TMC7: variants seen among roughly 807,000 people sequenced by gnomAD.
TMC7 encodes the protein transmembrane channel-like protein 7.
Under a neutral mutation model 82.9 loss-of-function variants are expected in TMC7, and 54 were observed. The observed-to-expected ratio is 0.65, with a 90% CI of 0.52 to 0.82. TMC7 has a LOEUF of 0.82. TMC7 is among the 40% of genes least tolerant of loss of function. The probability of loss-of-function intolerance (pLI) is 0.00; values close to 1 mark genes in which losing one functional copy is unlikely to be tolerated. For synonymous variants in TMC7, 350 were observed against 337.9 expected, an observed-to-expected ratio of 1.04 and a Z score of -0.39; for missense variants, 820 against 901.2, an observed-to-expected ratio of 0.91 and a Z score of 1.15.
At chr16:19,034,971 A>C (rs1030674582) in intron 6 of TMC7, among the ~76,000 whole-genome samples, 2 of 152,190 alleles carry the variant, frequency 1.3e-5, no homozygotes, top group Non-Finnish European at 2.9e-5. Context: ...AGACATATGC[A>C]CTCGTATATT....
chr16:19,044,191 GT>G (rs1337849707), intron 9 of TMC7, among the ~76,000 whole-genome samples: 2 of 151,988 alleles, frequency 1.3e-5, no homozygotes, highest in Non-Finnish European at 2.9e-5. Context: ...TTGTTTGTTT[GT>G]TTTTTCTCAC....
chr16:19,035,810 G>T lies in TMC7; in HGVS notation c.992G>T (p.Arg331Leu). 1 of 1,593,572 alleles carries T rather than the reference G, an allele frequency of 6.3e-7. No homozygotes were observed. The highest frequency in any genetic ancestry group is 8.5e-7 in the Non-Finnish European group (1 of 1,169,702). Residue 331 changes from arginine (R) to leucine (L), a missense_variant, in exon 7 of 16, where the codon CGG becomes CTG. Transcript: ENST00000304381. ...SMADLKHSSL[R>L]YELRADLEEE... ...GCGGATCTGAAGCACAGCAGCTTGC[G>T]GTACGAGCTCCGAGTGAGTGCTCCT...
At chr16:19,031,945 C>T (rs1960535976) in intron 6 of TMC7, among the ~76,000 whole-genome samples, 1 of 152,190 alleles carries the variant, frequency 6.6e-6, no homozygotes. Context: ...ACAGCTCAGT[C>T]ACATGACTAT....
In TMC7 at chr16:19,047,225, C is replaced by A; in HGVS notation, c.1716C>A (p.Phe572Leu). The change falls in exon 12 of 16, where the codon TTC becomes TTA. Residue 572 changes from phenylalanine to leucine, a missense_variant. By Grantham distance (22) the Phe-to-Leu change is conservative. Coordinates refer to ENST00000304381, the MANE Select transcript of TMC7 (RefSeq NM_024847.4). Reference protein sequence around the residue: ...PLLPAIATLKFIIIFYVKEWS... With the variant: ...PLLPAIATLKLIIIFYVKEWS... The stretch of plus-strand genomic sequence containing the variant: ...TCCCTGCAATTGCAACCCTGAAATT[C>A]ATTATCATCTTCTATGTGAAAGAGG... The A allele has an allele frequency of 6.2e-7, 1 of 1,613,918 alleles. No homozygotes were observed. The highest frequency in any genetic ancestry group is 8.5e-7 in the Non-Finnish European group (1 of 1,179,954).
chr16:19,008,041 G>A (rs1302497918), intron 1 of TMC7, among the ~76,000 whole-genome samples: 1 of 152,110 alleles, frequency 6.6e-6, no homozygotes, highest in East Asian at 1.9e-4. Flanking sequence ...TGACAGAGTG[G>A]GGATCCAAAC....
chr16:19,005,147 G>A (rs552058281), intron 1 of TMC7, among the ~76,000 whole-genome samples: 1 of 151,820 alleles, frequency 6.6e-6, no homozygotes, highest in African/African-American at 2.4e-5. Context: ...GGAGTGCAAT[G>A]GCAAAATCTT....
chr16:19,050,331 C>G (rs908812787), intron 12 of TMC7, among the ~76,000 whole-genome samples: 2 of 117,542 alleles, frequency 1.7e-5, no homozygotes, highest in African/African-American at 6.5e-5. Context: ...CGCGCTACTA[C>G]ACTCCAGCCT....
chr16:19,047,554 G>A (rs570681544), intron 12 of TMC7, among the ~76,000 whole-genome samples: 10 of 151,044 alleles, frequency 6.6e-5, no homozygotes, highest in East Asian at 3.9e-4. Flanking sequence ...CTGCCACTGC[G>A]CCTGGCTAAT....
rs573642874 is a variant in TMC7, at chr16:19,017,819, C to T, written c.460+1221C>T. On this transcript the variant is annotated intron_variant, in intron 3 of 15. Coordinates refer to ENST00000304381, the MANE Select transcript of TMC7 (RefSeq NM_024847.4). ...CCGAGTAGCTGGGACTACAGGTGCC[C>T]GCCACCTCGCCTGGCTAATTTTTTG... Among the ~76,000 whole-genome samples, 11 of 152,174 alleles carry T rather than the reference C, an allele frequency of 7.2e-5. No individual in the cohort carries two copies. The South Asian group carries it at 1.5e-3, about 20-fold the overall frequency.
In TMC7 at chr16:19,005,437, A is replaced by G. The variant is rs376225745; in HGVS notation, c.68-3735A>G. ...CTGGTACAAGGTAGGCAAGTACTCA[A>G]TAAATCTTAGCCAGTGTTGTTCATG... is the stretch of plus-strand genomic sequence containing the variant. On this transcript the variant is annotated intron_variant, in intron 1 of 15. Transcript: ENST00000304381. Among the ~76,000 whole-genome samples, 4 of 152,322 alleles carry G rather than the reference A, an allele frequency of 2.6e-5. No individual in the cohort carries two copies. In the East Asian group the frequency reaches 7.7e-4, roughly 29 times the overall value.
intron 4 of TMC7, among the ~76,000 whole-genome samples, chr16:19,022,858 A>G (rs1198225368): frequency 6.6e-6 from 1 of 152,180 alleles, no homozygotes; most frequent in African/African-American, 2.4e-5. Context: ...CATCTCTACT[A>G]AAAATACAAA....
rs1959701746 is a variant in TMC7 at position 19,016,540 on chromosome 16, G to A, written c.402G>A (p.Lys134=). 1.9e-6 allele frequency: 3 copies of A among 1,614,038 alleles called. No individual in the cohort carries two copies. Among genetic ancestry groups the A allele is most frequent in the Admixed American group, 1.7e-5 (1 of 59,992 alleles). Residue 134 remains lysine, a synonymous_variant, in exon 3 of 16, where the codon AAG becomes AAA. Coordinates refer to ENST00000304381, the MANE Select transcript of TMC7 (RefSeq NM_024847.4). ...SSKSWKRFLE[K]AREMTTHLEL... is the part of the protein sequence containing the mutation. Reference sequence around the variant, plus strand: ...AGTCTTGGAAGAGGTTCCTAGAGAAGGCTCGAGAGATGACGACCCACCTGG... The same window carrying A: ...AGTCTTGGAAGAGGTTCCTAGAGAAAGCTCGAGAGATGACGACCCACCTGG...
At chr16:19,006,217 T>C (rs1016827228) in intron 1 of TMC7, among the ~76,000 whole-genome samples, 2 of 152,008 alleles carry the variant, frequency 1.3e-5, no homozygotes, top group African/African-American at 2.4e-5. Flanking sequence ...TTTTTTTTTT[T>C]TGGACGGAGT....
At chr16:18,991,481 TAC>T (rs1268438309) in intron 1 of TMC7, among the ~76,000 whole-genome samples, 7 of 152,310 alleles carry the variant, frequency 4.6e-5, no homozygotes, top group South Asian at 2.1e-4. Flanking sequence ...TTTAAAAATA[TAC>T]AGAGTCCTCC....
intron 3 of TMC7, among the ~76,000 whole-genome samples, chr16:19,018,011 G>T (rs1405773879): frequency 6.6e-6 from 1 of 152,184 alleles, no homozygotes; most frequent in African/African-American, 2.4e-5. Context: ...GGTGCTATAT[G>T]CCCATAGTCC....
intron 14 of TMC7, among the ~76,000 whole-genome samples, chr16:19,056,976 A>G (rs1232600562): frequency 6.6e-6 from 1 of 151,742 alleles, no homozygotes; most frequent in Admixed American, 6.6e-5. Context: ...AAATAAATAA[A>G]TAAGTAACAA....
chr16:19,024,911 C>T (rs1960150868), intron 5 of TMC7, among the ~76,000 whole-genome samples: 1 of 151,972 alleles, frequency 6.6e-6, no homozygotes, highest in Admixed American at 6.6e-5. Flanking sequence ...GAGGCTGAGG[C>T]AGGAGAATGA....
chr16:19,049,674 T>A, intron 12 of TMC7: 2 of 985,200 alleles, frequency 2.0e-6, no homozygotes, highest in South Asian at 4.7e-5. Context: ...GGGTGATGGG[T>A]TGGGTCATGG....
Position 19,059,699 on chromosome 16 carries a change from G to C in TMC7, c.2106+205G>C, listed in dbSNP as rs115698458. The C allele has an allele frequency of 3.5e-3, 5,320 of 1,527,400 alleles. 148 individuals are homozygous for C. The African/African-American group carries it at 0.063, about 18-fold the overall frequency. 94.6% of individuals were successfully genotyped at this position (1,527,400 alleles called of 1,614,324 possible). A position where few individuals can be genotyped will look rare whatever the true frequency, so the allele number is the denominator to read the frequency against. ...TTCCTTCAAGATGTGTATTAAGGGGGATGTGGTGGCTCATGCCTGTAATCC... is the reference window on the plus strand; with the variant it reads ...TTCCTTCAAGATGTGTATTAAGGGGCATGTGGTGGCTCATGCCTGTAATCC... On this transcript the variant is annotated intron_variant, in intron 15 of 15. Transcript: ENST00000304381.
Sources: gnomAD v4.1 joint callset for allele counts (sites outside exome capture counted in the v4.1 genomes callset) on GRCh38, gnomAD v4.1.1 for gene constraint, MANE v1.5 for transcripts, NCBI Gene and HGNC (gene_info 2026-07-23, HGNC 2026-07-21) for gene names.